NKIRAS2: variants seen among roughly 807,000 people sequenced by gnomAD.
NKIRAS2 encodes NF-kappa-B inhibitor-interacting Ras-like protein 2.
In NKIRAS2, 15 loss-of-function variants were observed where a neutral mutation model predicts 20.7. The observed-to-expected ratio is 0.73, with a 90% CI of 0.49 to 1.12. NKIRAS2 has a LOEUF of 1.12. Among genes scored for constraint, NKIRAS2 ranks in the 50% most tolerant of loss-of-function variants. The pLI is 0.00. For synonymous variants in NKIRAS2, 116 were observed against 101.4 expected (o/e 1.14, Z -0.87); for missense variants, 196 against 249.6 (o/e 0.79, Z 1.45).
At chr17:42,018,195 C>G (rs908728141), upstream of NKIRAS2, among the ~76,000 whole-genome samples, 2 of 152,146 alleles carry the variant, frequency 1.3e-5, no homozygotes, top group African/African-American at 2.4e-5. Flanking sequence ...ACTCCCACCT[C>G]TTATATAAAC....
Position 42,023,778 on chromosome 17 carries a change from G to C in NKIRAS2, c.461G>C (p.Arg154Pro), listed in dbSNP as rs782283541. 6.2e-7 allele frequency: 1 copy of C among 1,614,114 alleles called. No homozygotes were observed. Among genetic ancestry groups the C allele is most frequent in the Non-Finnish European group, 8.5e-7 (1 of 1,180,030 alleles). Residue 154 changes from arginine to proline, a missense_variant, in exon 4 of 4, where the codon CGG becomes CCG. By Grantham distance (103) the Arg-to-Pro change is moderately radical. Transcript: ENST00000393885. ...CTGTGGGAGGTGTCAGTGGCGGACC[G>C]GCGCTCCCTCCTGGAGCCCTTTGTC... ...VKLWEVSVAD[R>P]RSLLEPFVYL... is the part of the protein sequence containing the mutation.
upstream of NKIRAS2, among the ~76,000 whole-genome samples, chr17:42,019,406 T>C (rs1555652610): frequency 6.6e-6 from 1 of 152,266 alleles, no homozygotes; most frequent in Non-Finnish European, 1.5e-5. Flanking sequence ...CCTCAGGGAC[T>C]GATCATGTCT....
In NKIRAS2 at chr17:42,023,897, G is replaced by A. The variant is rs781930249; in HGVS notation, c.*4G>A. 8 of 1,613,514 alleles carry A rather than the reference G, an allele frequency of 5.0e-6. No individual in the cohort carries two copies. Among genetic ancestry groups the A allele is most frequent in the Non-Finnish European group, 6.8e-6 (8 of 1,179,730 alleles). ...CAGCGGCTCCTTGGATGGCTGAAGA[G>A]CTGCCGTTCCTCTTTCACGATCCCA... On this transcript the variant is annotated 3_prime_UTR_variant, in exon 4 of 4. Coordinates refer to ENST00000393885, the MANE Select transcript of NKIRAS2 (RefSeq NM_017595.6).
intron 2 of NKIRAS2, 49 bp from the exon 3 acceptor site, chr17:42,022,350 A>C: frequency 6.5e-7 from 1 of 1,533,082 alleles, no homozygotes; most frequent in Non-Finnish European, 8.8e-7. Flanking sequence ...CATCACTCAC[A>C]TTTCCCATCT....
intron 3 of NKIRAS2, 26 bp from the exon 4 acceptor site, chr17:42,023,628 G>T (rs1387749544): frequency 8.1e-6 from 13 of 1,607,396 alleles, no homozygotes; most frequent in Non-Finnish European, 1.1e-5. Flanking sequence ...ACATTCACAG[G>T]CCTATGCTCT....
chr17:42,021,543 A>C, intron 1 of NKIRAS2, 21 bp from the exon 2 acceptor site: 1 of 1,591,566 alleles, frequency 6.3e-7, no homozygotes, highest in Non-Finnish European at 8.6e-7. Context: ...CACCTTACCC[A>C]GCGTGCTTCT....
At chr17:42,019,382 G>A (rs1037008984), upstream of NKIRAS2, among the ~76,000 whole-genome samples, 1 of 152,144 alleles carries the variant, frequency 6.6e-6, no homozygotes, top group Non-Finnish European at 1.5e-5. Context: ...TCCCTCTTCT[G>A]CCAGAGTGAC....
Position 42,023,679 on chromosome 17 carries a change from A to G in NKIRAS2, c.362A>G (p.Lys121Arg). The G allele has an allele frequency of 6.2e-7, 1 of 1,614,148 alleles. No homozygotes were observed. Among genetic ancestry groups the G allele is most frequent in the Non-Finnish European group, 8.5e-7 (1 of 1,180,028 alleles). The change falls in exon 4 of 4, where the codon AAG (lysine) becomes AGG (arginine). Residue 121 changes from lysine to arginine, a missense_variant. Transcript: ENST00000393885. ...GTCACCATCGTGGTCCTTGGCAACAAGTGTGACTTACAGGAGCAGCGGCGT... is the reference window on the plus strand; with the variant it reads ...GTCACCATCGTGGTCCTTGGCAACAGGTGTGACTTACAGGAGCAGCGGCGT... ...KEVTIVVLGN[K>R]CDLQEQRRVD...
upstream of NKIRAS2, chr17:42,017,656 G>T: frequency 1.7e-6 from 1 of 586,192 alleles, no homozygotes; most frequent in Non-Finnish European, 3.0e-6. Context: ...TTACCCGTGG[G>T]TGGGAAGGCG....
chr17:42,021,266 G>A, intron 1 of NKIRAS2: 1 of 296,824 alleles, frequency 3.4e-6, no homozygotes, highest in Non-Finnish European at 6.6e-6. Flanking sequence ...CACCTGCCCT[G>A]TGACAGATAC....
chr17:42,023,119 T>C, intron 3 of NKIRAS2: 1 of 336,516 alleles, frequency 3.0e-6, no homozygotes, highest in Non-Finnish European at 6.1e-6. Flanking sequence ...TCCTCCTGCC[T>C]CAGCCCCCTG....
Position 42,023,870 on chromosome 17 carries a change from G to A in NKIRAS2, c.553G>A (p.Gly185Ser). The change falls in exon 4 of 4, where the codon GGC (glycine) becomes AGC (serine). Residue 185 changes from glycine to serine, a missense_variant. Physicochemically the swap from Gly to Ser is moderately conservative, Grantham distance 56. Transcript: ENST00000393885. Reference sequence around the variant, plus strand: ...CTTCCCCCTCAGCCGGAAGAACAAGGGCAGCGGCTCCTTGGATGGCTGAAG... The same window carrying A: ...CTTCCCCCTCAGCCGGAAGAACAAGAGCAGCGGCTCCTTGGATGGCTGAAG... The part of the protein sequence containing the change: ...SAFPLSRKNK[G>S]SGSLDG 6.2e-7 allele frequency: 1 copy of A among 1,614,144 alleles called. No homozygotes were observed.
rs1344644806 is a variant in NKIRAS2, at chr17:42,024,262, TG to T, written c.*372del. The T allele has an allele frequency of 3.5e-6, 1 of 285,986 alleles. No individual in the cohort carries two copies. The highest frequency in any genetic ancestry group is 6.8e-6 in the Non-Finnish European group (1 of 147,068). 17.7% of individuals were successfully genotyped at this position (285,986 alleles called of 1,614,324 possible). Reference sequence around the variant, plus strand: ...TATTATAGGTAGGGGCCCCACCCTCTGGGCTTCCCATCAGCGACACACACAC... The same window carrying T: ...TATTATAGGTAGGGGCCCCACCCTCTGGCTTCCCATCAGCGACACACACAC... On this transcript the variant is annotated 3_prime_UTR_variant, in exon 4 of 4. Coordinates refer to ENST00000393885, the MANE Select transcript of NKIRAS2 (RefSeq NM_017595.6).
rs782308430 is a variant in NKIRAS2 at position 42,022,591 on chromosome 17, G to T, written c.287G>T (p.Arg96Leu). ...YSTDSRESFQ[R>L]VELLKKEIDK... is the part of the protein sequence containing the mutation. ...ACAGATAGCAGAGAGTCTTTTCAGC[G>T]TGTGGAGCTGCTCAAGAAGGAGATT... is the stretch of plus-strand genomic sequence containing the variant. Residue 96 changes from arginine to leucine, a missense_variant, in exon 3 of 4, where the codon CGT becomes CTT. Coordinates refer to ENST00000393885, the MANE Select transcript of NKIRAS2 (RefSeq NM_017595.6). 1 of 1,614,074 alleles carries T rather than the reference G, an allele frequency of 6.2e-7. No homozygotes were observed. Among genetic ancestry groups the T allele is most frequent in the African/African-American group, 1.3e-5 (1 of 75,022 alleles).
At chr17:42,019,146 A>T (rs1471558226), upstream of NKIRAS2, among the ~76,000 whole-genome samples, 1 of 152,088 alleles carries the variant, frequency 6.6e-6, no homozygotes, top group Non-Finnish European at 1.5e-5. Flanking sequence ...GGTGGCATGC[A>T]TCTGTAGTCC....
intron 3 of NKIRAS2, 101 bp downstream of exon 3, chr17:42,022,741 T>C: frequency 7.0e-7 from 1 of 1,438,180 alleles, no homozygotes; most frequent in Non-Finnish European, 9.4e-7. Context: ...CACTCCAAGG[T>C]GAGTTAGGAG....
upstream of NKIRAS2, among the ~76,000 whole-genome samples, chr17:42,018,209 C>T (rs1272284374): frequency 6.6e-6 from 1 of 152,126 alleles, no homozygotes; most frequent in Non-Finnish European, 1.5e-5. Context: ...TATAAACTCT[C>T]TACTCATCAC....
intron 2 of NKIRAS2, chr17:42,022,114 CA>C: frequency 6.7e-6 from 3 of 446,974 alleles, no homozygotes; most frequent in South Asian, 6.0e-5. Context: ...GAGGCCGAGG[CA>C]GGAGAATCGC....
rs782472496 is a variant in NKIRAS2 at position 42,021,693 on chromosome 17, G to T, written c.94+22G>T. On this transcript the variant is annotated intron_variant, in intron 2 of 3. Coordinates refer to ENST00000393885, the MANE Select transcript of NKIRAS2 (RefSeq NM_017595.6). Reference sequence around the variant, plus strand: ...GTGGGTGAGTGTTGTTGGAGGGGGAGGAACAGTGGAAGAAGTTGAAAAATA... The same window carrying T: ...GTGGGTGAGTGTTGTTGGAGGGGGATGAACAGTGGAAGAAGTTGAAAAATA... 45 of 1,593,846 alleles carry T rather than the reference G, an allele frequency of 2.8e-5. 1 individual carries two copies. Among genetic ancestry groups the T allele is most frequent in the Middle Eastern group, 1.7e-4 (1 of 6,050 alleles).
Sources: gnomAD v4.1 joint callset for allele counts (sites outside exome capture counted in the v4.1 genomes callset) on GRCh38, gnomAD v4.1.1 for gene constraint, MANE v1.5 for transcripts, NCBI Gene and HGNC (gene_info 2026-07-23, HGNC 2026-07-21) for gene names.